MAGI3: variants seen among roughly 807,000 people sequenced by gnomAD.
MAGI3 encodes the protein membrane associated guanylate kinase, WW and PDZ domain containing 3.
MAGI3 carries 43 observed loss-of-function variants against 121.8 expected under a neutral mutation model. That is an observed-to-expected ratio of 0.35 (90% CI 0.28 to 0.46). The LOEUF (loss-of-function observed/expected upper bound fraction) is 0.46. MAGI3 is among the 20% of genes least tolerant of loss of function. MAGI3 has a pLI of 1.00. For missense variants in MAGI3, 1,547 were observed against 1,797.3 expected (o/e 0.86, Z 2.52); for synonymous variants, 553 against 639.3 (o/e 0.86, Z 2.04).
chr1:113,651,173 T>A lies in MAGI3; in HGVS notation c.2407T>A (p.Leu803Ile). The A allele has an allele frequency of 6.2e-7, 1 of 1,612,876 alleles. No individual in the cohort carries two copies. The highest frequency in any genetic ancestry group is 1.3e-5 in the African/African-American group (1 of 74,998). The stretch of plus-strand genomic sequence containing the variant: ...AACTGCTGCTCGAAATGGCCATGTG[T>A]TACTAACTGTCAGACGGAAGATCTT... Reference protein sequence around the residue: ...MTTAARNGHVLLTVRRKIFYG... With the variant: ...MTTAARNGHVILTVRRKIFYG... The change falls in exon 14 of 21, where the codon TTA (leucine) becomes ATA (isoleucine). Residue 803 changes from leucine to isoleucine, a missense_variant. By Grantham distance (5) the Leu-to-Ile change is conservative (BLOSUM62 2). Coordinates refer to ENST00000307546, the MANE Select transcript of MAGI3 (RefSeq NM_001142782.2).
chr1:113,647,269 G>A (rs529346640), intron 12 of MAGI3, among the ~76,000 whole-genome samples: 1 of 152,338 alleles, frequency 6.6e-6, no homozygotes, highest in East Asian at 1.9e-4. Context: ...AGCAGGAACA[G>A]ATTGAGGAAG....
At chr1:113,559,782 G>A (rs1374151829) in intron 2 of MAGI3, among the ~76,000 whole-genome samples, 2 of 152,022 alleles carry the variant, frequency 1.3e-5, no homozygotes, top group Non-Finnish European at 2.9e-5. Flanking sequence ...TGTTGGCTGG[G>A]CTGGTCTCGA....
chr1:113,632,356 T>C (rs1651685008), intron 9 of MAGI3, among the ~76,000 whole-genome samples: 1 of 152,224 alleles, frequency 6.6e-6, no homozygotes, highest in Non-Finnish European at 1.5e-5. Flanking sequence ...TTGCCTAATA[T>C]GCTTATCTAA....
chr1:113,532,218 T>C (rs1312720592), intron 1 of MAGI3, among the ~76,000 whole-genome samples: 2 of 152,124 alleles, frequency 1.3e-5, no homozygotes, highest in Non-Finnish European at 2.9e-5. Flanking sequence ...AGAAAAATTG[T>C]ATATTCATTT....
chr1:113,630,461 A>T (rs1651554602), intron 9 of MAGI3, among the ~76,000 whole-genome samples: 1 of 151,982 alleles, frequency 6.6e-6, no homozygotes. Flanking sequence ...ACTGTGGCTG[A>T]GCTGGTACCT....
At chr1:113,474,433 T>C (rs1252019066) in intron 1 of MAGI3, among the ~76,000 whole-genome samples, 1 of 152,230 alleles carries the variant, frequency 6.6e-6, no homozygotes, top group African/African-American at 2.4e-5. Flanking sequence ...CTTGAATTAA[T>C]TTTTGTATAA....
At chr1:113,611,211 T>TG (rs1356909512) in intron 6 of MAGI3, among the ~76,000 whole-genome samples, 1 of 151,588 alleles carries the variant, frequency 6.6e-6, no homozygotes, top group Admixed American at 6.6e-5. Flanking sequence ...CTCAGCCTCC[T>TG]GAGTAGCTGA....
intron 1 of MAGI3, among the ~76,000 whole-genome samples, chr1:113,455,153 A>G (rs1654683424): frequency 6.6e-6 from 1 of 152,202 alleles, no homozygotes; most frequent in African/African-American, 2.4e-5. Context: ...TAAATTCGAG[A>G]GTGGACTTTC....
At chr1:113,521,168 C>A (rs1557801488) in intron 1 of MAGI3, among the ~76,000 whole-genome samples, 1 of 150,018 alleles carries the variant, frequency 6.7e-6, no homozygotes, top group Non-Finnish European at 1.5e-5. Context: ...CTCACTGCAA[C>A]CTCCGCCTCC....
intron 1 of MAGI3, among the ~76,000 whole-genome samples, chr1:113,414,816 C>G (rs1026514765): frequency 2.0e-5 from 3 of 151,710 alleles, no homozygotes. Flanking sequence ...AATAATAAAA[C>G]TGTTTGGTGG....
chr1:113,604,510 T>C (rs1649616944), intron 6 of MAGI3, among the ~76,000 whole-genome samples: 1 of 135,500 alleles, frequency 7.4e-6, no homozygotes, highest in Non-Finnish European at 1.5e-5. Flanking sequence ...GAGGTTGTGG[T>C]GAGCTGAGAT....
At chr1:113,604,362 A>T (rs889573649) in intron 6 of MAGI3, among the ~76,000 whole-genome samples, 7 of 151,932 alleles carry the variant, frequency 4.6e-5, no homozygotes, top group Admixed American at 1.3e-4. Context: ...AGGTCAAGAG[A>T]TCAAGACCAT....
In MAGI3 at chr1:113,416,055, C is replaced by T. The variant is rs1314799850; in HGVS notation, c.316+24706C>T. 7.4e-4 allele frequency among the ~76,000 whole-genome samples: 110 copies of T among 148,432 alleles called. No homozygotes were observed. The South Asian group carries it at 0.021, about 29-fold the overall frequency. On this transcript the variant is annotated intron_variant, in intron 1 of 20. Transcript: ENST00000307546. ...CACATATTAATTATGTAATTAATGA[C>T]ACATATTAATTATGTAATTAATGAC...
At chr1:113,676,228 T>G (rs2101029342) in intron 19 of MAGI3, among the ~76,000 whole-genome samples, 1 of 152,276 alleles carries the variant, frequency 6.6e-6, no homozygotes, top group East Asian at 1.9e-4. Flanking sequence ...CTAATCTCAG[T>G]AAACCAAAGG....
rs375093476 is a variant in MAGI3, at chr1:113,676,053, ATC to A, written c.3189+2602_3189+2603del. ...ATCTTCTCTTCTCTCTCTCTCTCTCATCTCTCTCTCTCTCTGTCTCTCTCTCA... is the reference window on the plus strand; with the variant it reads ...ATCTTCTCTTCTCTCTCTCTCTCTCATCTCTCTCTCTCTGTCTCTCTCTCA... On this transcript the variant is annotated intron_variant, in intron 19 of 20. Transcript: ENST00000307546. Among the ~76,000 whole-genome samples the A allele has an allele frequency of 3.2e-3, 443 of 136,588 alleles. 1 individual carries two copies. The highest frequency in any genetic ancestry group is 0.01 in the African/African-American group (367 of 36,594). The allele number at this position is 136,588 out of a possible 152,430, so 89.6% of individuals were successfully genotyped here.
intron 1 of MAGI3, among the ~76,000 whole-genome samples, chr1:113,414,124 T>C (rs1343927518): frequency 1.3e-5 from 2 of 152,236 alleles, no homozygotes; most frequent in East Asian, 1.9e-4. Flanking sequence ...TTTCTGCATC[T>C]ATTGAGATAA....
In MAGI3 at chr1:113,625,278, C is replaced by T. The variant is rs376061422; in HGVS notation, c.1360+2284C>T. ...AGATTTGATAGAGATTGCATTGAAT[C>T]TATAGATTGGTTTGGGTAGTATTGA... On this transcript the variant is annotated intron_variant, in intron 9 of 20. Coordinates refer to ENST00000307546, the MANE Select transcript of MAGI3 (RefSeq NM_001142782.2). Among the ~76,000 whole-genome samples the T allele has an allele frequency of 3.5e-4, 54 of 152,258 alleles. 1 individual carries two copies. In the East Asian group the frequency reaches 5.8e-3, roughly 16 times the overall value.
At chr1:113,672,779 G>A in intron 18 of MAGI3, 38 bp downstream of exon 18, 1 of 1,582,488 alleles carries the variant, frequency 6.3e-7, no homozygotes, top group Non-Finnish European at 8.6e-7. Flanking sequence ...GTGATATTTT[G>A]AGTTGCCATA....
At chr1:113,554,264 A>G (rs1292819098) in intron 2 of MAGI3, among the ~76,000 whole-genome samples, 2 of 151,200 alleles carry the variant, frequency 1.3e-5, no homozygotes, top group African/African-American at 4.9e-5. Context: ...GAAGAGAAAA[A>G]TTATATATAA....
Sources: allele counts gnomAD v4.1 joint callset (sites outside exome capture counted in the v4.1 genomes callset), GRCh38; gene constraint gnomAD v4.1.1; transcripts MANE v1.5; gene names NCBI Gene and HGNC (gene_info 2026-07-23, HGNC 2026-07-21).